SGCZ: variants seen among roughly 807,000 people sequenced by gnomAD.
SGCZ encodes the protein zeta-sarcoglycan.
In SGCZ, 40 loss-of-function variants were observed where a neutral mutation model predicts 41.3. That is an observed-to-expected ratio of 0.97 (90% CI 0.75 to 1.26). The LOEUF (loss-of-function observed/expected upper bound fraction) is 1.26, where lower values mean the gene tolerates loss of function less well. Among genes scored for constraint, SGCZ ranks in the 50% most tolerant of loss-of-function variants. The probability of loss-of-function intolerance (pLI) is 0.00; values close to 1 mark genes in which losing one functional copy is unlikely to be tolerated. For synonymous variants in SGCZ, 206 were observed against 137.5 expected (o/e 1.50, Z -3.49); for missense variants, 552 against 369.8 (o/e 1.49, Z -4.04).
chr8:14,142,741 G>C (rs1803408999), intron 5 of SGCZ, among the ~76,000 whole-genome samples: 1 of 152,048 alleles, frequency 6.6e-6, no homozygotes, highest in African/African-American at 2.4e-5. Flanking sequence ...CATGGAGGTG[G>C]CTTCTCATGG....
At chr8:15,007,145 T>G (rs1407180899) in intron 1 of SGCZ, among the ~76,000 whole-genome samples, 1 of 152,172 alleles carries the variant, frequency 6.6e-6, no homozygotes, top group East Asian at 1.9e-4. Flanking sequence ...AAGGAAGAGA[T>G]ATATCCACAA....
chr8:14,409,661 A>C (rs964852671), intron 2 of SGCZ, among the ~76,000 whole-genome samples: 9 of 152,152 alleles, frequency 5.9e-5, no homozygotes, highest in Non-Finnish European at 1.3e-4. Context: ...GTCAGCAAAA[A>C]TAGCTAACGC....
intron 1 of SGCZ, among the ~76,000 whole-genome samples, chr8:14,939,401 C>G (rs1469656523): frequency 6.6e-6 from 1 of 152,116 alleles, no homozygotes; most frequent in Non-Finnish European, 1.5e-5. Flanking sequence ...CAGAATATAA[C>G]AGTTCCTAAA....
intron 2 of SGCZ, among the ~76,000 whole-genome samples, chr8:14,420,794 AAT>A (rs1799617745): frequency 1.3e-5 from 2 of 151,974 alleles, no homozygotes; most frequent in South Asian, 4.2e-4. Flanking sequence ...TTTCCCACTT[AAT>A]ATGTTTCTTT....
At chr8:14,814,811 C>G (rs985466406) in intron 1 of SGCZ, among the ~76,000 whole-genome samples, 2 of 152,040 alleles carry the variant, frequency 1.3e-5, no homozygotes, top group African/African-American at 4.8e-5. Context: ...GAAAACAGTA[C>G]TTTTTCAGCC....
At chr8:14,177,959 T>TTTTCTTTTTTTTCC (rs1491549127) in intron 4 of SGCZ, among the ~76,000 whole-genome samples, 1 of 53,022 alleles carries the variant, frequency 1.9e-5, no homozygotes, top group Middle Eastern at 0.012. Flanking sequence ...TTTTTTTTTC[T>TTTTCTTTTTTTTCC]TTTTTTTTTT....
intron 1 of SGCZ, among the ~76,000 whole-genome samples, chr8:14,658,621 T>C (rs1807650760): frequency 6.6e-6 from 1 of 152,202 alleles, no homozygotes; most frequent in African/African-American, 2.4e-5. Context: ...TCCTGCTCTC[T>C]GTCCTATTTA....
intron 1 of SGCZ, among the ~76,000 whole-genome samples, chr8:14,845,360 G>A (rs112158701): frequency 0.013 from 1,969 of 152,222 alleles, 28 homozygotes; most frequent in African/African-American, 0.03. Context: ...ACATAACTCA[G>A]TTGTATACCA....
At chr8:14,724,029 G>C (rs563300218) in intron 1 of SGCZ, among the ~76,000 whole-genome samples, 1 of 152,044 alleles carries the variant, frequency 6.6e-6, no homozygotes, top group African/African-American at 2.4e-5. Flanking sequence ...TCACACTCTT[G>C]GTGTTAAAGA....
chr8:14,979,451 G>A (rs1340993569), intron 1 of SGCZ, among the ~76,000 whole-genome samples: 1 of 152,098 alleles, frequency 6.6e-6, no homozygotes, highest in African/African-American at 2.4e-5. Context: ...AATGTACAAG[G>A]CTTACATAAT....
intron 1 of SGCZ, among the ~76,000 whole-genome samples, chr8:14,585,604 G>A (rs922956741): frequency 5.3e-5 from 8 of 152,040 alleles, no homozygotes; most frequent in Admixed American, 4.6e-4. Flanking sequence ...TTTACTCTCA[G>A]CCTACAAAGG....
At chr8:14,433,794 T>C (rs1800011439) in intron 2 of SGCZ, among the ~76,000 whole-genome samples, 1 of 152,188 alleles carries the variant, frequency 6.6e-6, no homozygotes. Flanking sequence ...AACATCAGAA[T>C]TGTCTGAATA....
intron 1 of SGCZ, among the ~76,000 whole-genome samples, chr8:15,190,712 G>C (rs976455309): frequency 2.0e-5 from 3 of 150,942 alleles, no homozygotes; most frequent in Admixed American, 6.6e-5. Flanking sequence ...GTGGGGGATG[G>C]GGTTAGGTTT....
chr8:14,637,506 G>T (rs1806872437), intron 1 of SGCZ, among the ~76,000 whole-genome samples: 1 of 151,538 alleles, frequency 6.6e-6, no homozygotes, highest in South Asian at 2.1e-4. Flanking sequence ...AGTATCTATT[G>T]TTCCCATCTT....
chr8:14,138,275 A>G (rs956275074), intron 5 of SGCZ, among the ~76,000 whole-genome samples: 5 of 152,206 alleles, frequency 3.3e-5, no homozygotes, highest in Non-Finnish European at 7.3e-5. Context: ...GCATCAACTA[A>G]CGAGCAAAAT....
intron 1 of SGCZ, among the ~76,000 whole-genome samples, chr8:15,011,828 T>G (rs1205310510): frequency 6.6e-6 from 1 of 152,198 alleles, no homozygotes; most frequent in Non-Finnish European, 1.5e-5. Flanking sequence ...TTGACAAAAT[T>G]AATTATATTG....
chr8:15,065,100 C>G (rs938799270), intron 1 of SGCZ, among the ~76,000 whole-genome samples: 1 of 152,114 alleles, frequency 6.6e-6, no homozygotes, highest in Non-Finnish European at 1.5e-5. Context: ...ATAATTTCCC[C>G]TTGGTCTCAC....
At chr8:14,909,158 C>A (rs1396295295) in intron 1 of SGCZ, among the ~76,000 whole-genome samples, 1 of 152,098 alleles carries the variant, frequency 6.6e-6, no homozygotes, top group African/African-American at 2.4e-5. Flanking sequence ...TAACATCCAG[C>A]CCACTCCTTA....
chr8:15,182,379 T>A (rs1404590605), intron 1 of SGCZ, among the ~76,000 whole-genome samples: 2 of 152,138 alleles, frequency 1.3e-5, no homozygotes, highest in East Asian at 3.8e-4. Context: ...GAAAACAACA[T>A]AGGGTATACT....
Sources: gnomAD v4.1 joint callset for allele counts (sites outside exome capture counted in the v4.1 genomes callset) on GRCh38, gnomAD v4.1.1 for gene constraint, MANE v1.5 for transcripts, NCBI Gene and HGNC (gene_info 2026-07-23, HGNC 2026-07-21) for gene names.